The following KCNH5 variants were observed in gnomAD, a reference collection of about 807,000 sequenced individuals.
KCNH5 encodes voltage-gated delayed rectifier potassium channel KCNH5.
A neutral mutation model predicts 96.1 loss-of-function variants in KCNH5; 46 were observed. The ratio of observed to expected loss-of-function variants is 0.48; its 90% CI spans 0.38 to 0.61. KCNH5 has a LOEUF of 0.61. Among genes scored for constraint, KCNH5 ranks in the 20% least tolerant of loss-of-function variants. The pLI, the probability that KCNH5 is intolerant of heterozygous loss-of-function variation, is 0.00. For missense variants in KCNH5, 907 were observed against 1,225.8 expected, an observed-to-expected ratio of 0.74 and a Z score of 3.88; for synonymous variants, 439 against 449.8, an observed-to-expected ratio of 0.98 and a Z score of 0.30.
intron 10 of KCNH5, among the ~76,000 whole-genome samples, chr14:62,747,187 CA>C (rs1313033802): frequency 2.0e-5 from 3 of 152,096 alleles, no homozygotes; most frequent in African/African-American, 7.2e-5. Flanking sequence ...TACAAAAAAT[CA>C]GCTGGGCGTG....
chr14:62,995,565 T>C (rs558275863), intron 4 of KCNH5, among the ~76,000 whole-genome samples: 34 of 152,214 alleles, frequency 2.2e-4, no homozygotes, highest in Middle Eastern at 3.4e-3. Flanking sequence ...TAAAACACAA[T>C]ATTATGCTCA....
chr14:62,791,950 T>C (rs1041610753), intron 9 of KCNH5, among the ~76,000 whole-genome samples: 18 of 151,610 alleles, frequency 1.2e-4, no homozygotes, highest in African/African-American at 3.6e-4. Flanking sequence ...TAAGTTATCA[T>C]TGCAATTGGC....
chr14:62,858,516 T>G (rs1244253324), intron 7 of KCNH5, among the ~76,000 whole-genome samples: 1 of 152,212 alleles, frequency 6.6e-6, no homozygotes, highest in Admixed American at 6.5e-5. Context: ...TGTATCTCCC[T>G]TCTTAGCCTG....
intron 2 of KCNH5, among the ~76,000 whole-genome samples, chr14:63,014,832 G>A (rs1226310377): frequency 2.0e-5 from 3 of 152,026 alleles, no homozygotes; most frequent in South Asian, 4.1e-4. Context: ...GCATGAAGAC[G>A]GGATGTCAGC....
chr14:62,813,583 A>G lies in KCNH5; in HGVS notation c.1570-11002T>C, dbSNP rs115981783. 4.9e-3 allele frequency among the ~76,000 whole-genome samples: 752 copies of G among 152,272 alleles called. 5 individuals carry two copies. Among genetic ancestry groups the G allele is most frequent in the African/African-American group, 0.016 (684 of 41,562 alleles). Reference sequence around the variant, plus strand: ...AATGAATAAGTTAAATGATCCCTCTATTTTTAGGACAAAGGAATAAATGCA... The same window carrying G: ...AATGAATAAGTTAAATGATCCCTCTGTTTTTAGGACAAAGGAATAAATGCA... On this transcript the variant is annotated intron_variant, in intron 8 of 10. Transcript: ENST00000322893.
intron 10 of KCNH5, among the ~76,000 whole-genome samples, chr14:62,759,579 T>TTTTTTTTTTTTTTTGAG (rs1885702024): frequency 1.1e-5 from 1 of 93,608 alleles, no homozygotes; most frequent in Non-Finnish European, 2.7e-5. Flanking sequence ...GTATATTTTT[T>TTTTTTTTTTTTTTTGAG]AATAATTACA....
intron 9 of KCNH5, among the ~76,000 whole-genome samples, chr14:62,799,033 C>T (rs1394971481): frequency 1.3e-5 from 2 of 152,080 alleles, no homozygotes; most frequent in African/African-American, 2.4e-5. Context: ...GGATTTTGTT[C>T]CTCTCTGACC....
intron 7 of KCNH5, among the ~76,000 whole-genome samples, chr14:62,945,069 T>C (rs1889860674): frequency 6.6e-6 from 1 of 152,144 alleles, no homozygotes; most frequent in African/African-American, 2.4e-5. Context: ...CAAGTATAAT[T>C]GGCTATTCAT....
At chr14:62,737,970 G>A (rs1386571194) in intron 10 of KCNH5, among the ~76,000 whole-genome samples, 2 of 152,008 alleles carry the variant, frequency 1.3e-5, no homozygotes, top group East Asian at 1.9e-4. Context: ...GCCTACCTAT[G>A]ATAAAGTTTA....
intron 8 of KCNH5, among the ~76,000 whole-genome samples, chr14:62,805,247 C>T (rs1026760556): frequency 6.6e-6 from 1 of 152,058 alleles, no homozygotes; most frequent in Non-Finnish European, 1.5e-5. Context: ...ATTCATGTTG[C>T]AAATGAAATA....
intron 7 of KCNH5, among the ~76,000 whole-genome samples, chr14:62,858,931 A>C (rs1034173748): frequency 6.6e-6 from 1 of 152,302 alleles, no homozygotes; most frequent in African/African-American, 2.4e-5. Flanking sequence ...ACGATGGGGA[A>C]CATGGTAAGA....
At chr14:62,802,676 T>C (rs1395914195) in intron 8 of KCNH5, 95 bp from the exon 9 acceptor site, 1 of 1,410,140 alleles carries the variant, frequency 7.1e-7, no homozygotes, top group African/African-American at 1.4e-5. Context: ...ACTATGACTA[T>C]GTCTGCTACA....
intron 8 of KCNH5, among the ~76,000 whole-genome samples, chr14:62,806,276 T>C (rs1886765057): frequency 6.6e-6 from 1 of 152,190 alleles, no homozygotes; most frequent in South Asian, 2.1e-4. Flanking sequence ...GGGGCTGCTC[T>C]ATGGAGTAGC....
At position 63,044,982 on chromosome 14, in the gene KCNH5, T is replaced by A. The variant is rs1010470888; in HGVS notation, c.73+132A>T. On this transcript the variant is annotated intron_variant, in intron 1 of 10. Transcript: ENST00000322893. ...CACCCCACCCCAAATCCAGCCCAACTGGTAAATGAAACCACCAGGTAAGGC... is the reference window on the plus strand; with the variant it reads ...CACCCCACCCCAAATCCAGCCCAACAGGTAAATGAAACCACCAGGTAAGGC... The A allele has an allele frequency of 2.2e-5, 16 of 720,664 alleles. No homozygotes were observed. In the East Asian group the frequency reaches 3.4e-4, roughly 15 times the overall value. 44.6% of individuals were successfully genotyped at this position (720,664 alleles called of 1,614,324 possible). A position where few individuals can be genotyped will look rare whatever the true frequency, so the allele number is the denominator to read the frequency against.
chr14:62,755,307 T>A (rs1027560410), intron 10 of KCNH5, among the ~76,000 whole-genome samples: 78 of 152,032 alleles, frequency 5.1e-4, no homozygotes, highest in African/African-American at 1.8e-3. Context: ...TGAGAACAAC[T>A]ACATACCAAT....
chr14:62,737,351 C>A (rs906992495), intron 10 of KCNH5, among the ~76,000 whole-genome samples: 1 of 152,102 alleles, frequency 6.6e-6, no homozygotes, highest in African/African-American at 2.4e-5. Flanking sequence ...TATCTTGCAC[C>A]TTAGAGGGAG....
Position 63,003,507 on chromosome 14 carries a change from ATATATATTT to A in KCNH5, c.305-2057_305-2049del, listed in dbSNP as rs758782430. On this transcript the variant is annotated intron_variant, in intron 3 of 10. Coordinates refer to ENST00000322893, the MANE Select transcript of KCNH5 (RefSeq NM_139318.5). ...TTTATATATATTATATATATATTTT[ATATATATTT>A]TATATATTTTATATATATTATATAT... Among the ~76,000 whole-genome samples the A allele has an allele frequency of 4.1e-3, 480 of 116,120 alleles. 1 individual carries two copies. Among genetic ancestry groups the A allele is most frequent in the Middle Eastern group, 0.024 (6 of 254 alleles). 76.2% of individuals were successfully genotyped at this position (116,120 alleles called of 152,430 possible). A position where few individuals can be genotyped will look rare whatever the true frequency, so the allele number is the denominator to read the frequency against.
chr14:62,843,754 T>C (rs574838423), intron 8 of KCNH5, among the ~76,000 whole-genome samples: 1 of 152,310 alleles, frequency 6.6e-6, no homozygotes, highest in South Asian at 2.1e-4. Flanking sequence ...TGGAGTTTTC[T>C]TACAAGACTA....
Position 62,831,117 on chromosome 14 carries a change from A to G in KCNH5, c.1569+18536T>C, listed in dbSNP as rs1887339041. On this transcript the variant is annotated intron_variant, in intron 8 of 10. Coordinates refer to ENST00000322893, the MANE Select transcript of KCNH5 (RefSeq NM_139318.5). The stretch of plus-strand genomic sequence containing the variant: ...CTTAGTATTTTCCATTTAGGACAGG[A>G]TTCTTTTTTCTGCTAGTGAACCCTG... 2.0e-5 allele frequency among the ~76,000 whole-genome samples: 3 copies of G among 152,206 alleles called. No homozygotes were observed. The South Asian group carries it at 6.2e-4, about 32-fold the overall frequency.
Sources: allele counts gnomAD v4.1 joint callset (sites outside exome capture counted in the v4.1 genomes callset), GRCh38; gene constraint gnomAD v4.1.1; transcripts MANE v1.5; gene names NCBI Gene and HGNC (gene_info 2026-07-23, HGNC 2026-07-21).